Variants in HS3ST4 observed in about 807,000 individuals in gnomAD.
HS3ST4 encodes the protein heparan sulfate glucosamine 3-O-sulfotransferase 4.
HS3ST4 carries 17 observed loss-of-function variants against 29.2 expected under a neutral mutation model. The observed-to-expected ratio is 0.58, with a 90% CI of 0.40 to 0.87. The LOEUF (loss-of-function observed/expected upper bound fraction) is 0.87. Ranked by LOEUF, HS3ST4 falls within the 40% of genes least tolerant of loss-of-function variation. HS3ST4 has a pLI of 0.00. For missense variants in HS3ST4, 627 were observed against 634.5 expected, an observed-to-expected ratio of 0.99 and a Z score of 0.13; for synonymous variants, 314 against 285.7, an observed-to-expected ratio of 1.10 and a Z score of -1.00.
intron 1 of HS3ST4, among the ~76,000 whole-genome samples, chr16:25,770,266 C>G (rs1043645668): frequency 1.3e-5 from 2 of 152,100 alleles, no homozygotes; most frequent in African/African-American, 4.8e-5. Context: ...AGAAAGAAAA[C>G]ATATTCTCCT....
At chr16:25,696,586 C>T (rs1018386692) in intron 1 of HS3ST4, among the ~76,000 whole-genome samples, 1 of 152,072 alleles carries the variant, frequency 6.6e-6, no homozygotes, top group Non-Finnish European at 1.5e-5. Flanking sequence ...GCAACCTCCG[C>T]CTCCCGGATT....
intron 1 of HS3ST4, among the ~76,000 whole-genome samples, chr16:25,813,114 C>T (rs144235432): frequency 3.5e-4 from 54 of 152,250 alleles, no homozygotes; most frequent in African/African-American, 1.3e-3. Flanking sequence ...TACACAAGCA[C>T]ATTAAAATGA....
At chr16:25,839,889 TC>T (rs1385282911) in intron 1 of HS3ST4, among the ~76,000 whole-genome samples, 1 of 152,110 alleles carries the variant, frequency 6.6e-6, no homozygotes, top group Non-Finnish European at 1.5e-5. Context: ...TTAAGGCAGG[TC>T]CAATCCCTTT....
chr16:25,807,229 C>T (rs918819325), intron 1 of HS3ST4, among the ~76,000 whole-genome samples: 2 of 152,206 alleles, frequency 1.3e-5, no homozygotes, highest in African/African-American at 4.8e-5. Context: ...CCACCTTGGC[C>T]TTCCAAAGTG....
chr16:25,865,176 TG>T (rs1202866961), intron 1 of HS3ST4, among the ~76,000 whole-genome samples: 2 of 152,218 alleles, frequency 1.3e-5, no homozygotes, highest in African/African-American at 4.8e-5. Context: ...GTGAGATTGC[TG>T]GATCAAATGA....
chr16:25,945,837 T>A (rs1321460760), intron 1 of HS3ST4, among the ~76,000 whole-genome samples: 1 of 152,216 alleles, frequency 6.6e-6, no homozygotes, highest in Non-Finnish European at 1.5e-5. Flanking sequence ...GATACAGGCT[T>A]CCATCTTCTG....
At chr16:26,122,290 T>A (rs1899287052) in intron 1 of HS3ST4, among the ~76,000 whole-genome samples, 1 of 152,192 alleles carries the variant, frequency 6.6e-6, no homozygotes, top group African/African-American at 2.4e-5. Flanking sequence ...CAAATGCATT[T>A]TAAGGGATTA....
intron 1 of HS3ST4, among the ~76,000 whole-genome samples, chr16:26,040,370 C>T (rs1040946019): frequency 4.0e-5 from 6 of 149,784 alleles, no homozygotes; most frequent in Non-Finnish European, 7.4e-5. Flanking sequence ...GTGGCATGAT[C>T]GCTTCTCACT....
intron 1 of HS3ST4, among the ~76,000 whole-genome samples, chr16:25,938,680 C>G (rs554009217): frequency 1.3e-5 from 2 of 152,228 alleles, no homozygotes; most frequent in South Asian, 4.2e-4. Flanking sequence ...GCCAGTGCAC[C>G]TGGTATTTCC....
intron 1 of HS3ST4, among the ~76,000 whole-genome samples, chr16:26,077,345 A>G (rs1446077608): frequency 6.6e-6 from 1 of 152,234 alleles, no homozygotes; most frequent in East Asian, 1.9e-4. Flanking sequence ...ACAGGGAAAT[A>G]GGCCCCACCT....
At chr16:25,833,121 T>C (rs891334645) in intron 1 of HS3ST4, among the ~76,000 whole-genome samples, 2 of 152,156 alleles carry the variant, frequency 1.3e-5, no homozygotes, top group Non-Finnish European at 2.9e-5. Flanking sequence ...GAAAAAAAAA[T>C]AGACTGTTCA....
chr16:25,791,622 T>A (rs541303646), intron 1 of HS3ST4, among the ~76,000 whole-genome samples: 36 of 152,244 alleles, frequency 2.4e-4, no homozygotes, highest in African/African-American at 8.4e-4. Context: ...TAGAGTTTTA[T>A]GTATCTTTTC....
chr16:25,936,913 G>A (rs1336542794), intron 1 of HS3ST4, among the ~76,000 whole-genome samples: 1 of 152,222 alleles, frequency 6.6e-6, no homozygotes, highest in African/African-American at 2.4e-5. Context: ...GGAAAGTACA[G>A]TTGCAGGTGT....
chr16:25,877,788 C>G (rs1280330870), intron 1 of HS3ST4, among the ~76,000 whole-genome samples: 1 of 152,170 alleles, frequency 6.6e-6, no homozygotes, highest in Non-Finnish European at 1.5e-5. Flanking sequence ...ATTCTTACTA[C>G]AGAGAGTTCT....
At chr16:25,745,798 A>AT (rs774400348) in intron 1 of HS3ST4, among the ~76,000 whole-genome samples, 35 of 152,308 alleles carry the variant, frequency 2.3e-4, no homozygotes, top group Non-Finnish European at 3.1e-4. Flanking sequence ...AAAATTGGAA[A>AT]TTCACCAATC....
intron 1 of HS3ST4, among the ~76,000 whole-genome samples, chr16:26,031,102 T>C (rs1567297707): frequency 1.3e-5 from 2 of 152,210 alleles, no homozygotes; most frequent in South Asian, 2.1e-4. Context: ...GGTAAAACCA[T>C]GGCTATGGAT....
chr16:25,717,988 G>A (rs1966468300), intron 1 of HS3ST4, among the ~76,000 whole-genome samples: 1 of 152,130 alleles, frequency 6.6e-6, no homozygotes, highest in Admixed American at 6.5e-5. Context: ...AAAACTGAAT[G>A]GCTATGTCAC....
At chr16:25,694,199 A>G (rs955958084) in intron 1 of HS3ST4, among the ~76,000 whole-genome samples, 2 of 152,236 alleles carry the variant, frequency 1.3e-5, no homozygotes, top group Non-Finnish European at 2.9e-5. Flanking sequence ...TGATGTTATC[A>G]TCTTAGCAGA....
intron 1 of HS3ST4, among the ~76,000 whole-genome samples, chr16:26,044,398 C>A (rs577927004): frequency 1.3e-5 from 2 of 152,282 alleles, no homozygotes; most frequent in South Asian, 4.2e-4. Context: ...AATCATTGAT[C>A]TTTCCTATGT....
Sources: gnomAD v4.1 joint callset for allele counts (sites outside exome capture counted in the v4.1 genomes callset) on GRCh38, gnomAD v4.1.1 for gene constraint, MANE v1.5 for transcripts, NCBI Gene and HGNC (gene_info 2026-07-23, HGNC 2026-07-21) for gene names.